The following IL27RA variants were observed in gnomAD, a reference collection of about 807,000 sequenced individuals.
IL27RA encodes the protein interleukin 27 receptor subunit alpha, also known as interleukin-27 receptor subunit alpha.
In IL27RA, 61 loss-of-function variants were observed where a neutral mutation model predicts 80.8. The observed-to-expected ratio is 0.76, with a 90% confidence interval of 0.61 to 0.93. The LOEUF (loss-of-function observed/expected upper bound fraction) is 0.93. Ranked by LOEUF, IL27RA falls within the 40% of genes least tolerant of loss-of-function variation. The probability of loss-of-function intolerance (pLI) is 0.00; values close to 1 mark genes in which losing one functional copy is unlikely to be tolerated. For synonymous variants in IL27RA, 316 were observed against 332.5 expected, an observed-to-expected ratio of 0.95 and a Z score of 0.54; for missense variants, 735 against 808.1, an observed-to-expected ratio of 0.91 and a Z score of 1.10.
In IL27RA at chr19:14,051,660, T is replaced by C. The variant is rs765114223; in HGVS notation, c.1582T>C (p.Phe528Leu). Residue 528 changes from phenylalanine to leucine, a missense_variant, in exon 12 of 14, where the codon TTC (phenylalanine) becomes CTC (leucine). Phe to Leu is a conservative substitution (Grantham distance 22). Coordinates refer to ENST00000263379, the MANE Select transcript of IL27RA (RefSeq NM_004843.4). ...GGGCATCCTATTCTTGTGGGGCTTG[T>C]TCCTGTTGGGGTGTGGCCTGAGCCT... Reference protein sequence around the residue: ...LPGILFLWGLFLLGCGLSLAT... With the variant: ...LPGILFLWGLLLLGCGLSLAT... The C allele has an allele frequency of 1.2e-6, 2 of 1,613,374 alleles. No individual in the cohort carries two copies. Among genetic ancestry groups the C allele is most frequent in the Middle Eastern group, 3.3e-4 (2 of 6,058 alleles).
At chr19:14,034,722 G>T (rs1040135118) in intron 2 of IL27RA, among the ~76,000 whole-genome samples, 12 of 150,796 alleles carry the variant, frequency 8.0e-5, no homozygotes, top group African/African-American at 2.7e-4. Context: ...GGGAGGCCGA[G>T]GCGGTGGATC....
At position 14,044,713 on chromosome 19, in the gene IL27RA, G is replaced by A. The variant is rs189399045; in HGVS notation, c.769-1441G>A. On this transcript the variant is annotated intron_variant, in intron 6 of 13. Transcript: ENST00000263379. ...AAAATCTTGATATTTTGGACCGAGT[G>A]GGTGGCTCATACCTGTAATCCCAGC... 2.6e-5 allele frequency among the ~76,000 whole-genome samples: 4 copies of A among 152,036 alleles called. No individual in the cohort carries two copies. The East Asian group carries it at 7.7e-4, about 29-fold the overall frequency.
intron 8 of IL27RA, among the ~76,000 whole-genome samples, chr19:14,048,163 G>A (rs976933250): frequency 6.7e-6 from 1 of 149,994 alleles, no homozygotes; most frequent in African/African-American, 2.5e-5. Flanking sequence ...TCTCCATGTT[G>A]CCCAGGCTGT....
chr19:14,048,951 C>G, intron 8 of IL27RA, 30 bp from the exon 9 acceptor site: 1 of 1,593,974 alleles, frequency 6.3e-7, no homozygotes. Context: ...AGAGCCAACT[C>G]TAACTGGTCT....
chr19:14,046,686 A>G lies in IL27RA; in HGVS notation c.1141+68A>G. 3.5e-6 allele frequency: 5 copies of G among 1,417,176 alleles called. No individual in the cohort carries two copies. In the South Asian group the frequency reaches 6.6e-5, roughly 19 times the overall value. 87.8% of individuals were successfully genotyped at this position (1,417,176 alleles called of 1,614,324 possible). ...GCAGACGGATGGGTGGACTTGTAAG[A>G]GGGAGTGCTATGATTAAAGTAGCGT... On this transcript the variant is annotated intron_variant, in intron 8 of 13. Coordinates refer to ENST00000263379, the MANE Select transcript of IL27RA (RefSeq NM_004843.4).
In IL27RA at chr19:14,046,628, T is replaced by C; in HGVS notation, c.1141+10T>C. The C allele has an allele frequency of 1.3e-6, 2 of 1,577,586 alleles. No homozygotes were observed. The highest frequency in any genetic ancestry group is 1.7e-6 in the Non-Finnish European group (2 of 1,160,590). On this transcript the variant is annotated intron_variant, in intron 8 of 13. Transcript: ENST00000263379. ...AGTGCTCTGTTACCAGGTGAGGCCC[T>C]GGGACACCTGGGTCTCCATCCCCGC...
In IL27RA at chr19:14,051,908, C is replaced by T; in HGVS notation, c.1651C>T (p.Pro551Ser). The T allele has an allele frequency of 6.3e-7, 1 of 1,584,540 alleles. No homozygotes were observed. The highest frequency in any genetic ancestry group is 2.3e-5 in the East Asian group (1 of 43,594). ...RCYHLRHKVL[P>S]RWVWEKVPDP... The stretch of plus-strand genomic sequence containing the variant: ...CTACCACCTAAGGCACAAAGTGCTG[C>T]CCCGCTGGGTCTGGGAGAAAGTTCC... Residue 551 changes from proline to serine, a missense_variant, in exon 13 of 14, where the codon CCC becomes TCC. Coordinates refer to ENST00000263379, the MANE Select transcript of IL27RA (RefSeq NM_004843.4).
chr19:14,050,836 T>C lies in IL27RA; in HGVS notation c.1481T>C (p.Ile494Thr). 1 of 1,613,516 alleles carries C rather than the reference T, an allele frequency of 6.2e-7. No homozygotes were observed. Among genetic ancestry groups the C allele is most frequent in the East Asian group, 2.2e-5 (1 of 44,866 alleles). The change falls in exon 11 of 14, where the codon ATC (isoleucine) becomes ACC (threonine). Residue 494 changes from isoleucine (I) to threonine (T), a missense_variant. Transcript: ENST00000263379. ...GAGCTGTGGGTGACAGCATCTACCATCGCTGGACAGGGCCCTCCTGGTCCC... is the reference window on the plus strand; with the variant it reads ...GAGCTGTGGGTGACAGCATCTACCACCGCTGGACAGGGCCCTCCTGGTCCC... The part of the protein sequence containing the change: ...PCELWVTAST[I>T]AGQGPPGPIL...
intron 9 of IL27RA, 31 bp downstream of exon 9, chr19:14,049,113 T>A: frequency 6.2e-7 from 1 of 1,612,290 alleles, no homozygotes; most frequent in Non-Finnish European, 8.5e-7. Context: ...TGGGGGGGCT[T>A]CTGTAACCCA....
chr19:14,039,950 C>A (rs772485804), intron 4 of IL27RA, 40 bp downstream of exon 4: 2 of 1,597,036 alleles, frequency 1.3e-6, no homozygotes, highest in Non-Finnish European at 1.7e-6. Context: ...CTATTCCGGG[C>A]GGGGACTGAG....
chr19:14,050,611 G>A, intron 10 of IL27RA, 147 bp from the exon 11 acceptor site: 2 of 709,628 alleles, frequency 2.8e-6, no homozygotes, highest in Non-Finnish European at 4.3e-6. Flanking sequence ...CACGGAAGAG[G>A]TGACCTTTGA....
intron 2 of IL27RA, among the ~76,000 whole-genome samples, chr19:14,037,021 A>C (rs1264655439): frequency 6.6e-6 from 1 of 151,810 alleles, no homozygotes; most frequent in Non-Finnish European, 1.5e-5. Flanking sequence ...TTTTTAATAG[A>C]GACGGGGTTT....
chr19:14,045,364 C>T (rs987467037), intron 6 of IL27RA, among the ~76,000 whole-genome samples: 8 of 150,330 alleles, frequency 5.3e-5, no homozygotes, highest in African/African-American at 1.5e-4. Context: ...CCGAGACGGG[C>T]GGATTTTTTT....
Position 14,046,356 on chromosome 19 carries a change from C to G in IL27RA, c.952+19C>G. 1 of 1,613,432 alleles carries G rather than the reference C, an allele frequency of 6.2e-7. No homozygotes were observed. The highest frequency in any genetic ancestry group is 8.5e-7 in the Non-Finnish European group (1 of 1,179,594). On this transcript the variant is annotated intron_variant, in intron 7 of 13. Transcript: ENST00000263379. ...TGCTTGGGTAAGAGACTGTGACCTTCCTCAGCTCGGTGCCCTGGAGGGGTG... is the reference window on the plus strand; with the variant it reads ...TGCTTGGGTAAGAGACTGTGACCTTGCTCAGCTCGGTGCCCTGGAGGGGTG...
At chr19:14,050,152 G>A (rs1004147008) in intron 10 of IL27RA, among the ~76,000 whole-genome samples, 6 of 151,586 alleles carry the variant, frequency 4.0e-5, no homozygotes, top group African/African-American at 1.5e-4. Flanking sequence ...ATCATGCAAA[G>A]ACAAACTAAA....
At chr19:14,051,128 C>T (rs926524185) in intron 11 of IL27RA, among the ~76,000 whole-genome samples, 7 of 151,894 alleles carry the variant, frequency 4.6e-5, no homozygotes, top group African/African-American at 4.8e-5. Context: ...CATGCGCCTG[C>T]GGTCCCAGCT....
chr19:14,050,783 C>T lies in IL27RA; in HGVS notation c.1428C>T (p.Thr476=). ...TGAGTGGCAACACACAGAGTGTCAC[C>T]CTGCCTGACCTTCCTTGGGGTCCCT... ...MNVSGNTQSV[T]LPDLPWGPCE... Residue 476 remains threonine (T), a synonymous_variant, in exon 11 of 14, where the codon ACC becomes ACT. Transcript: ENST00000263379. 1.9e-6 allele frequency: 3 copies of T among 1,613,198 alleles called. No individual in the cohort carries two copies. The highest frequency in any genetic ancestry group is 2.5e-6 in the Non-Finnish European group (3 of 1,179,362).
intron 10 of IL27RA, among the ~76,000 whole-genome samples, chr19:14,050,346 AT>A (rs1283892050): frequency 6.6e-6 from 1 of 151,962 alleles, no homozygotes; most frequent in Non-Finnish European, 1.5e-5. Flanking sequence ...TACTAAAAAT[AT>A]AAAAATTAGC....
chr19:14,047,735 G>T (rs1192165299), intron 8 of IL27RA, among the ~76,000 whole-genome samples: 4 of 144,014 alleles, frequency 2.8e-5, no homozygotes, highest in Non-Finnish European at 6.0e-5. Flanking sequence ...CTCACTGCAA[G>T]CTCCACCTCC....
Sources: allele counts gnomAD v4.1 joint callset (sites outside exome capture counted in the v4.1 genomes callset), GRCh38; gene constraint gnomAD v4.1.1; transcripts MANE v1.5; gene names NCBI Gene and HGNC (gene_info 2026-07-23, HGNC 2026-07-21).